Variants in HHAT observed in about 807,000 individuals in gnomAD.
The protein encoded by HHAT is hedgehog acyltransferase.
Under a neutral mutation model 70.8 loss-of-function variants are expected in HHAT, and 47 were observed. That is an observed-to-expected ratio of 0.66 (90% CI 0.53 to 0.85). The LOEUF (loss-of-function observed/expected upper bound fraction) is 0.85. HHAT is among the 40% of genes least tolerant of loss of function. The pLI is 0.00. For synonymous variants in HHAT, 228 were observed against 247.6 expected, an observed-to-expected ratio of 0.92 and a Z score of 0.74; for missense variants, 609 against 604.8, an observed-to-expected ratio of 1.01 and a Z score of -0.07.
At chr1:210,454,829 A>G (rs2093829007) in intron 7 of HHAT, among the ~76,000 whole-genome samples, 2 of 152,148 alleles carry the variant, frequency 1.3e-5, no homozygotes, top group Non-Finnish European at 2.9e-5. Context: ...CCAAAACCAA[A>G]TTTTTCCATG....
intron 9 of HHAT, among the ~76,000 whole-genome samples, chr1:210,539,822 C>T (rs1320338911): frequency 6.6e-6 from 1 of 152,122 alleles, no homozygotes; most frequent in Non-Finnish European, 1.5e-5. Flanking sequence ...GAATTTTGTC[C>T]TGTGTCCTTC....
chr1:210,345,108 T>G (rs903507190), intron 1 of HHAT, among the ~76,000 whole-genome samples: 23 of 152,300 alleles, frequency 1.5e-4, no homozygotes, highest in Non-Finnish European at 3.2e-4. Context: ...CTTGCTAATT[T>G]GTTTTGCAAG....
In HHAT at chr1:210,344,917, C is replaced by T. The variant is rs1033877121; in HGVS notation, c.-43-4016C>T. Among the ~76,000 whole-genome samples the T allele has an allele frequency of 7.5e-5, 4 of 53,342 alleles. No individual in the cohort carries two copies. In the East Asian group the frequency reaches 1.5e-3, roughly 20 times the overall value. 35.0% of individuals were successfully genotyped at this position (53,342 alleles called of 152,430 possible). A position where few individuals can be genotyped will look rare whatever the true frequency, so the allele number is the denominator to read the frequency against. ...TCATCGGAACAAGTCATGCCGGCAT[C>T]GGAACAAGTCATGCCGGCCTGCACT... On this transcript the variant is annotated intron_variant, in intron 1 of 11. Transcript: ENST00000261458.
At chr1:210,652,728 C>A (rs1675428043) in intron 11 of HHAT, among the ~76,000 whole-genome samples, 3 of 152,108 alleles carry the variant, frequency 2.0e-5, no homozygotes, top group Admixed American at 2.0e-4. Context: ...ACAGAGAGTT[C>A]TCAGAAAAAG....
At chr1:210,642,416 G>T (rs185364010) in intron 11 of HHAT, among the ~76,000 whole-genome samples, 9 of 152,194 alleles carry the variant, frequency 5.9e-5, no homozygotes, top group Admixed American at 2.0e-4. Context: ...TGTATGTTCA[G>T]CTTCAGTAGA....
At chr1:210,392,132 G>A (rs559009945) in intron 4 of HHAT, among the ~76,000 whole-genome samples, 3 of 152,278 alleles carry the variant, frequency 2.0e-5, no homozygotes, top group Admixed American at 2.0e-4. Context: ...GCATCCCAAA[G>A]TGCTGGGATT....
intron 9 of HHAT, among the ~76,000 whole-genome samples, chr1:210,519,421 C>A (rs1281642552): frequency 6.6e-6 from 1 of 152,058 alleles, no homozygotes; most frequent in African/African-American, 2.4e-5. Context: ...TTTTGAGGAA[C>A]CTCCAAACTG....
intron 10 of HHAT, among the ~76,000 whole-genome samples, chr1:210,618,734 A>G (rs1468171825): frequency 6.6e-6 from 1 of 151,994 alleles, no homozygotes; most frequent in Non-Finnish European, 1.5e-5. Context: ...GTTTTGACCC[A>G]CGTTCCTGCA....
chr1:210,330,793 G>T (rs1158061061), intron 1 of HHAT, among the ~76,000 whole-genome samples: 1 of 152,116 alleles, frequency 6.6e-6, no homozygotes, highest in East Asian at 1.9e-4. Flanking sequence ...GGATGGTGTT[G>T]GGATAATTCA....
At chr1:210,343,516 TAAG>T (rs1042019438) in intron 1 of HHAT, among the ~76,000 whole-genome samples, 6 of 151,976 alleles carry the variant, frequency 3.9e-5, no homozygotes, top group African/African-American at 1.5e-4. Context: ...AAAGCTCTGT[TAAG>T]GAGGATGGGT....
At chr1:210,492,471 G>C (rs1279757831) in intron 8 of HHAT, among the ~76,000 whole-genome samples, 1 of 152,202 alleles carries the variant, frequency 6.6e-6, no homozygotes, top group Non-Finnish European at 1.5e-5. Flanking sequence ...GCATGGATGA[G>C]TGAAGGCACT....
At chr1:210,386,302 G>A (rs1248120012) in intron 3 of HHAT, among the ~76,000 whole-genome samples, 1 of 132,646 alleles carries the variant, frequency 7.5e-6, no homozygotes, top group Non-Finnish European at 1.6e-5. Context: ...GCAGTGGCGG[G>A]ATTTCGGCTC....
At chr1:210,616,499 A>G (rs1667770245) in intron 10 of HHAT, among the ~76,000 whole-genome samples, 1 of 152,162 alleles carries the variant, frequency 6.6e-6, no homozygotes, top group East Asian at 1.9e-4. Flanking sequence ...TGTAAGCCAT[A>G]TGTTCTTGAA....
At chr1:210,468,126 G>A (rs1039297858) in intron 8 of HHAT, among the ~76,000 whole-genome samples, 2 of 152,136 alleles carry the variant, frequency 1.3e-5, no homozygotes, top group Non-Finnish European at 2.9e-5. Context: ...CAAGGAGTAC[G>A]TGTATTCCCG....
chr1:210,655,683 ATC>A (rs1392378850), intron 11 of HHAT, among the ~76,000 whole-genome samples: 1 of 152,194 alleles, frequency 6.6e-6, no homozygotes, highest in Non-Finnish European at 1.5e-5. Context: ...GAAAAAATGT[ATC>A]TGAGTCACTT....
At chr1:210,511,546 G>A (rs2094951413) in intron 8 of HHAT, among the ~76,000 whole-genome samples, 1 of 152,046 alleles carries the variant, frequency 6.6e-6, no homozygotes, top group Non-Finnish European at 1.5e-5. Context: ...CAAGGGTGTC[G>A]CCGGAAGCTA....
intron 8 of HHAT, among the ~76,000 whole-genome samples, chr1:210,506,086 G>A (rs988504189): frequency 2.0e-5 from 3 of 152,182 alleles, no homozygotes; most frequent in African/African-American, 7.2e-5. Context: ...TTCTAAGCTA[G>A]GTGATATACA....
chr1:210,551,992 T>C (rs560290111), intron 9 of HHAT, among the ~76,000 whole-genome samples: 14 of 152,338 alleles, frequency 9.2e-5, no homozygotes, highest in African/African-American at 3.4e-4. Flanking sequence ...TACAATACAA[T>C]GCTAGGAGTT....
chr1:210,431,143 G>C (rs541483519), intron 7 of HHAT, among the ~76,000 whole-genome samples: 13 of 151,954 alleles, frequency 8.6e-5, no homozygotes, highest in African/African-American at 3.2e-4. Flanking sequence ...GTTTATTTCT[G>C]CCAGGTGCTT....
Sources: gnomAD v4.1 joint callset for allele counts (sites outside exome capture counted in the v4.1 genomes callset) on GRCh38, gnomAD v4.1.1 for gene constraint, MANE v1.5 for transcripts, NCBI Gene and HGNC (gene_info 2026-07-23, HGNC 2026-07-21) for gene names.